Variants in VWA3B observed in about 807,000 individuals in gnomAD.
VWA3B encodes von Willebrand factor A domain containing 3B.
A neutral mutation model predicts 158.3 loss-of-function variants in VWA3B; 138 were observed. The ratio of observed to expected loss-of-function variants is 0.87; its 90% CI spans 0.76 to 1.00. VWA3B has a LOEUF of 1.00. Among genes scored for constraint, VWA3B ranks in the 50% least tolerant of loss-of-function variants. The pLI is 0.00. For missense variants in VWA3B, 1,555 were observed against 1,565.1 expected (o/e 0.99, Z 0.11); for synonymous variants, 596 against 587.3 (o/e 1.01, Z -0.21).
chr2:98,225,269 G>A (rs1684832715), intron 14 of VWA3B, among the ~76,000 whole-genome samples: 1 of 152,146 alleles, frequency 6.6e-6, no homozygotes, highest in Non-Finnish European at 1.5e-5. Context: ...TTGTTCATTT[G>A]TTTCAAGAAA....
At chr2:98,286,699 T>A (rs1429099160) in intron 22 of VWA3B, among the ~76,000 whole-genome samples, 1 of 152,200 alleles carries the variant, frequency 6.6e-6, no homozygotes, top group Non-Finnish European at 1.5e-5. Context: ...ATGGATTTTG[T>A]GTCTACATTC....
At chr2:98,309,954 G>A (rs985858238) in intron 26 of VWA3B, among the ~76,000 whole-genome samples, 14 of 152,254 alleles carry the variant, frequency 9.2e-5, no homozygotes, top group South Asian at 6.2e-4. Context: ...GACACGTGCC[G>A]TTGCTTACAT....
intron 12 of VWA3B, among the ~76,000 whole-genome samples, chr2:98,208,873 T>C (rs1683250638): frequency 6.6e-6 from 1 of 152,198 alleles, no homozygotes. Flanking sequence ...TTTTTTCTTT[T>C]CTCGTTCTCT....
intron 22 of VWA3B, among the ~76,000 whole-genome samples, chr2:98,277,690 A>C (rs1280423248): frequency 6.6e-6 from 1 of 152,156 alleles, no homozygotes; most frequent in Non-Finnish European, 1.5e-5. Flanking sequence ...CTCCGGGAGA[A>C]AGAGAGCGTT....
At chr2:98,190,995 A>G (rs1458203147) in intron 10 of VWA3B, among the ~76,000 whole-genome samples, 1 of 151,932 alleles carries the variant, frequency 6.6e-6, no homozygotes, top group Non-Finnish European at 1.5e-5. Context: ...ACTCCTTGAT[A>G]TTGTTCCATG....
intron 8 of VWA3B, among the ~76,000 whole-genome samples, chr2:98,177,443 G>T (rs1038335193): frequency 1.3e-5 from 2 of 152,154 alleles, no homozygotes; most frequent in African/African-American, 4.8e-5. Flanking sequence ...CAGGGAAAAG[G>T]AAAGGACCCC....
rs1681970314 is a variant in VWA3B at position 98,087,775 on chromosome 2, T to C, written c.-33+412T>C. 2.0e-5 allele frequency among the ~76,000 whole-genome samples: 3 copies of C among 152,218 alleles called. No homozygotes were observed. In the South Asian group the frequency reaches 6.2e-4, roughly 31 times the overall value. The stretch of plus-strand genomic sequence containing the variant: ...AACATAAGGATAAATATGTATAGTC[T>C]AAAAGCCAAAGCAACACTTACATGG... On this transcript the variant is annotated intron_variant, in intron 1 of 27. Coordinates refer to ENST00000477737, the MANE Select transcript of VWA3B (RefSeq NM_144992.5).
chr2:98,168,285 T>C (rs1000641207), intron 8 of VWA3B, among the ~76,000 whole-genome samples: 1 of 152,126 alleles, frequency 6.6e-6, no homozygotes, highest in African/African-American at 2.4e-5. Context: ...AGGTCTTGGA[T>C]GTTATTCCTA....
the VWA3B span, among the ~76,000 whole-genome samples, chr2:98,319,142 T>C: frequency 6.6e-6 from 1 of 151,768 alleles, no homozygotes; most frequent in Non-Finnish European, 1.5e-5. Context: ...ACTAGGACAA[T>C]GGATAGCCAT....
At chr2:98,180,447 C>T (rs1680469915) in intron 8 of VWA3B, among the ~76,000 whole-genome samples, 1 of 152,264 alleles carries the variant, frequency 6.6e-6, no homozygotes, top group Admixed American at 6.5e-5. Context: ...CTGCCTTGGC[C>T]TCCCAAAGTG....
intron 13 of VWA3B, among the ~76,000 whole-genome samples, chr2:98,213,621 A>G (rs1417640709): frequency 1.3e-5 from 2 of 152,128 alleles, no homozygotes; most frequent in Non-Finnish European, 2.9e-5. Context: ...AATGATTTTG[A>G]TATTAACGGA....
intron 19 of VWA3B, among the ~76,000 whole-genome samples, chr2:98,244,184 T>G (rs766919409): frequency 6.6e-6 from 1 of 152,224 alleles, no homozygotes; most frequent in Non-Finnish European, 1.5e-5. Flanking sequence ...ATAGCCATTT[T>G]GGGATGAATT....
intron 8 of VWA3B, among the ~76,000 whole-genome samples, chr2:98,175,923 C>CT (rs1359507950): frequency 1.3e-5 from 2 of 152,176 alleles, no homozygotes; most frequent in Non-Finnish European, 2.9e-5. Context: ...GGCAGATATG[C>CT]TTATTGCATG....
intron 7 of VWA3B, among the ~76,000 whole-genome samples, chr2:98,145,405 C>T (rs527838142): frequency 6.6e-6 from 1 of 152,092 alleles, no homozygotes; most frequent in Non-Finnish European, 1.5e-5. Flanking sequence ...ATGGAGAAAC[C>T]GAAACAGAAG....
At chr2:98,310,116 A>G (rs2106022781) in intron 26 of VWA3B, among the ~76,000 whole-genome samples, 1 of 152,278 alleles carries the variant, frequency 6.6e-6, no homozygotes, top group East Asian at 1.9e-4. Context: ...CAGTTGCTGA[A>G]AGTCTAAGAC....
intron 24 of VWA3B, among the ~76,000 whole-genome samples, chr2:98,299,379 CG>C (rs1690039367): frequency 6.6e-6 from 1 of 152,202 alleles, no homozygotes; most frequent in Non-Finnish European, 1.5e-5. Context: ...ATCCTCTTGC[CG>C]CGTTCCTAAT....
the VWA3B span, among the ~76,000 whole-genome samples, chr2:98,318,566 G>A: frequency 1.4e-4 from 22 of 152,192 alleles, no homozygotes; most frequent in East Asian, 1.2e-3. Context: ...ACACTGTGGC[G>A]TATCAGAGGG....
At chr2:98,129,481 G>A (rs1418049228) in intron 6 of VWA3B, among the ~76,000 whole-genome samples, 1 of 152,090 alleles carries the variant, frequency 6.6e-6, no homozygotes. Context: ...ATTACCTCCT[G>A]TTCTATCTCC....
At chr2:98,233,985 A>G (rs1685503774) in intron 16 of VWA3B, among the ~76,000 whole-genome samples, 1 of 152,238 alleles carries the variant, frequency 6.6e-6, no homozygotes, top group African/African-American at 2.4e-5. Context: ...CTAAGTTGTC[A>G]TTTGCCTGTA....
Sources: gnomAD v4.1 joint callset for allele counts (sites outside exome capture counted in the v4.1 genomes callset) on GRCh38, gnomAD v4.1.1 for gene constraint, MANE v1.5 for transcripts, NCBI Gene and HGNC (gene_info 2026-07-23, HGNC 2026-07-21) for gene names.